CSMD1: variants seen among roughly 807,000 people sequenced by gnomAD.
The protein encoded by CSMD1 is CUB and sushi domain-containing protein 1.
In CSMD1, 213 loss-of-function variants were observed where a neutral mutation model predicts 417.5. The observed-to-expected ratio is 0.51, with a 90% CI of 0.46 to 0.57. The LOEUF is 0.57. CSMD1 is among the 20% of genes least tolerant of loss of function. The pLI, the probability that CSMD1 is intolerant of heterozygous loss-of-function variation, is 0.00. For synonymous variants in CSMD1, 2,862 were observed against 1,736.8 expected, an observed-to-expected ratio of 1.65 and a Z score of -16.11; for missense variants, 6,923 against 4,529.7, an observed-to-expected ratio of 1.53 and a Z score of -15.17.
chr8:4,140,217 A>T (rs77732937), intron 3 of CSMD1, among the ~76,000 whole-genome samples: 2 of 150,494 alleles, frequency 1.3e-5, no homozygotes, highest in African/African-American at 2.5e-5. Context: ...ACAAAAATTC[A>T]TCTGGATATG....
At chr8:3,559,068 G>C (rs1041453433) in intron 10 of CSMD1, among the ~76,000 whole-genome samples, 7 of 152,200 alleles carry the variant, frequency 4.6e-5, no homozygotes, top group African/African-American at 1.7e-4. Context: ...AAGTGTTGAA[G>C]GATATTATGC....
intron 2 of CSMD1, among the ~76,000 whole-genome samples, chr8:4,447,237 G>A (rs1430712196): frequency 1.3e-5 from 2 of 152,182 alleles, no homozygotes; most frequent in Admixed American, 1.3e-4. Context: ...CTTGCCTGAT[G>A]GATGCTTACG....
intron 3 of CSMD1, among the ~76,000 whole-genome samples, chr8:4,260,025 CT>C (rs5889029): frequency 0.94 from 141,576 of 150,732 alleles, 67,012 homozygotes; most frequent in Non-Finnish European, 1. Flanking sequence ...CTTGTGCACA[CT>C]TTTTTTTTTT....
chr8:4,090,634 T>C (rs972679830), intron 3 of CSMD1, among the ~76,000 whole-genome samples: 5 of 152,204 alleles, frequency 3.3e-5, no homozygotes, highest in African/African-American at 7.2e-5. Context: ...TAAAAGAACG[T>C]CCCTGAACTT....
chr8:4,577,498 C>G (rs1343241113), intron 2 of CSMD1, among the ~76,000 whole-genome samples: 1 of 152,192 alleles, frequency 6.6e-6, no homozygotes, highest in Non-Finnish European at 1.5e-5. Flanking sequence ...GCCACCACAG[C>G]ACCCACCTTG....
At chr8:4,038,687 C>A (rs979795754) in intron 3 of CSMD1, among the ~76,000 whole-genome samples, 4 of 152,204 alleles carry the variant, frequency 2.6e-5, no homozygotes, top group African/African-American at 9.7e-5. Context: ...TACACTCCTT[C>A]CCATAGATGC....
chr8:4,024,272 A>G (rs1201879080), intron 4 of CSMD1, among the ~76,000 whole-genome samples: 1 of 152,198 alleles, frequency 6.6e-6, no homozygotes, highest in East Asian at 1.9e-4. Context: ...AAAGTTCACA[A>G]CGGATAAAGC....
At chr8:3,265,184 C>G (rs1173274570) in intron 26 of CSMD1, among the ~76,000 whole-genome samples, 1 of 151,942 alleles carries the variant, frequency 6.6e-6, no homozygotes, top group African/African-American at 2.4e-5. Flanking sequence ...GAACCAATAA[C>G]TAAAAAATAA....
intron 2 of CSMD1, among the ~76,000 whole-genome samples, chr8:4,518,690 C>T (rs893911266): frequency 6.6e-6 from 1 of 151,680 alleles, no homozygotes; most frequent in Non-Finnish European, 1.5e-5. Context: ...CGGTGCAGCA[C>T]ACCAACGTGG....
chr8:3,419,100 C>G (rs1001185388), intron 12 of CSMD1, among the ~76,000 whole-genome samples: 2 of 152,192 alleles, frequency 1.3e-5, no homozygotes, highest in Non-Finnish European at 2.9e-5. Context: ...AGCTAGGAAC[C>G]TCATGGAGGT....
rs536261764 is a variant in CSMD1, at chr8:4,085,131, G to A, written c.416-53032C>T. Among the ~76,000 whole-genome samples, 15 of 152,296 alleles carry A rather than the reference G, an allele frequency of 9.8e-5. No homozygotes were observed. In the South Asian group the frequency reaches 3.1e-3, roughly 32 times the overall value. On this transcript the variant is annotated intron_variant, in intron 3 of 69. Coordinates refer to ENST00000635120, the MANE Select transcript of CSMD1 (RefSeq NM_033225.6). The stretch of plus-strand genomic sequence containing the variant: ...ACCAGTTGGACAACCCTGAGGCTGA[G>A]ATGTCACCGGCCTTGAAGGCGTCAC...
intron 3 of CSMD1, among the ~76,000 whole-genome samples, chr8:4,132,970 G>A (rs940032787): frequency 1.3e-5 from 2 of 152,132 alleles, no homozygotes; most frequent in Non-Finnish European, 2.9e-5. Flanking sequence ...GTCTCGCTCT[G>A]TTATCCAGGC....
intron 3 of CSMD1, among the ~76,000 whole-genome samples, chr8:4,191,871 C>T (rs1246290536): frequency 6.6e-6 from 1 of 151,820 alleles, no homozygotes; most frequent in Non-Finnish European, 1.5e-5. Flanking sequence ...ACCTCAGCAA[C>T]ATCAAAATTT....
At chr8:4,741,407 C>T (rs1018846140) in intron 1 of CSMD1, among the ~76,000 whole-genome samples, 1 of 152,102 alleles carries the variant, frequency 6.6e-6, no homozygotes, top group Non-Finnish European at 1.5e-5. Context: ...AGATTAAATA[C>T]TAAATGACCA....
At chr8:3,514,791 A>C (rs757525663) in intron 10 of CSMD1, among the ~76,000 whole-genome samples, 5 of 152,184 alleles carry the variant, frequency 3.3e-5, no homozygotes, top group Admixed American at 1.3e-4. Context: ...TTAGTGATTA[A>C]ACTGTAACTT....
At chr8:4,694,454 C>T (rs1261850815) in intron 1 of CSMD1, among the ~76,000 whole-genome samples, 1 of 152,024 alleles carries the variant, frequency 6.6e-6, no homozygotes, top group Admixed American at 6.6e-5. Flanking sequence ...CGGATTCAAG[C>T]GATTCTCCTG....
At chr8:3,835,746 T>C (rs1350311320) in intron 5 of CSMD1, among the ~76,000 whole-genome samples, 21 of 151,468 alleles carry the variant, frequency 1.4e-4, no homozygotes, top group Admixed American at 1.4e-3. Context: ...GAAATTTGGA[T>C]GGCTCCACCC....
chr8:4,952,503 C>G (rs368348035), intron 1 of CSMD1, among the ~76,000 whole-genome samples: 2 of 151,876 alleles, frequency 1.3e-5, no homozygotes, highest in South Asian at 4.2e-4. Flanking sequence ...AAAAGTTTAC[C>G]TTTTCATGAA....
intron 4 of CSMD1, among the ~76,000 whole-genome samples, chr8:4,022,176 A>T (rs1796821797): frequency 9.4e-6 from 1 of 106,444 alleles, no homozygotes; most frequent in African/African-American, 3.7e-5. Context: ...ATATATGTAT[A>T]TTTATGTGTA....
Sources: gnomAD v4.1 joint callset for allele counts (sites outside exome capture counted in the v4.1 genomes callset) on GRCh38, gnomAD v4.1.1 for gene constraint, MANE v1.5 for transcripts, NCBI Gene and HGNC (gene_info 2026-07-23, HGNC 2026-07-21) for gene names.